Variants in CHSY3 observed in about 807,000 individuals in gnomAD.
CHSY3 encodes the protein chondroitin sulfate synthase 3, also known as N-acetylgalactosaminyl-proteoglycan 3-beta-glucuronosyltransferase 3.
CHSY3 carries 35 observed loss-of-function variants against 67.2 expected under a neutral mutation model. The ratio of observed to expected loss-of-function variants is 0.52; its 90% CI spans 0.40 to 0.69. The LOEUF (loss-of-function observed/expected upper bound fraction) is 0.69, where lower values mean the gene tolerates loss of function less well. CHSY3 is among the 30% of genes least tolerant of loss of function. The pLI is 0.00. For missense variants in CHSY3, 1,069 were observed against 1,138.5 expected (o/e 0.94, Z 0.88); for synonymous variants, 474 against 434.7 (o/e 1.09, Z -1.12).
intron 2 of CHSY3, among the ~76,000 whole-genome samples, chr5:129,933,788 A>T (rs1020395688): frequency 6.6e-6 from 1 of 152,114 alleles, no homozygotes; most frequent in African/African-American, 2.4e-5. Flanking sequence ...TAATTTTTTC[A>T]TATAATTCTA....
intron 2 of CHSY3, among the ~76,000 whole-genome samples, chr5:130,084,606 T>A (rs62391443): frequency 0.035 from 4,397 of 125,956 alleles, 80 homozygotes; most frequent in Non-Finnish European, 0.05. Flanking sequence ...TTAATTAATT[T>A]ATTTATTTAA....
chr5:129,954,730 T>C (rs1233937388), intron 2 of CHSY3, among the ~76,000 whole-genome samples: 1 of 152,136 alleles, frequency 6.6e-6, no homozygotes, highest in African/African-American at 2.4e-5. Flanking sequence ...AGGTAATTTA[T>C]TCTCTTGGTA....
intron 2 of CHSY3, among the ~76,000 whole-genome samples, chr5:130,131,045 C>G (rs1168462973): frequency 6.6e-6 from 1 of 152,128 alleles, no homozygotes; most frequent in African/African-American, 2.4e-5. Flanking sequence ...ATCATTTACT[C>G]TCACCACTTG....
chr5:129,958,822 G>A (rs957358709), intron 2 of CHSY3, among the ~76,000 whole-genome samples: 11 of 152,136 alleles, frequency 7.2e-5, no homozygotes, highest in African/African-American at 2.7e-4. Context: ...ATTAGCCAGT[G>A]TGCCTGGCAG....
intron 2 of CHSY3, among the ~76,000 whole-genome samples, chr5:130,143,815 T>TTG (rs1768984576): frequency 1.1e-5 from 1 of 92,926 alleles, no homozygotes; most frequent in South Asian, 3.4e-4. Context: ...TGTGTGTATA[T>TTG]ATATATATAT....
At chr5:130,147,900 A>G (rs1385625092) in intron 2 of CHSY3, among the ~76,000 whole-genome samples, 1 of 152,170 alleles carries the variant, frequency 6.6e-6, no homozygotes, top group African/African-American at 2.4e-5. Flanking sequence ...CAGGTTTGTT[A>G]CACAGGTAAA....
chr5:130,038,599 G>T (rs1764923311), intron 2 of CHSY3, among the ~76,000 whole-genome samples: 1 of 152,010 alleles, frequency 6.6e-6, no homozygotes, highest in Non-Finnish European at 1.5e-5. Context: ...GATGCTATGA[G>T]GTAGGAAATT....
At chr5:130,177,018 T>C (rs1266804833) in intron 2 of CHSY3, among the ~76,000 whole-genome samples, 1 of 152,124 alleles carries the variant, frequency 6.6e-6, no homozygotes, top group Non-Finnish European at 1.5e-5. Flanking sequence ...TTATTTTGAT[T>C]ACCACATCTC....
At chr5:129,926,828 A>G (rs189866749) in intron 2 of CHSY3, among the ~76,000 whole-genome samples, 5 of 151,882 alleles carry the variant, frequency 3.3e-5, no homozygotes, top group Middle Eastern at 6.8e-3. Context: ...GTTGGTATAC[A>G]TATTTGTTAC....
chr5:129,956,857 G>A (rs764571420), intron 2 of CHSY3, among the ~76,000 whole-genome samples: 9 of 151,918 alleles, frequency 5.9e-5, no homozygotes, highest in South Asian at 4.2e-4. Context: ...TGCTGTTTTC[G>A]TTACTGTAGC....
At chr5:130,125,998 C>T (rs1022860218) in intron 2 of CHSY3, among the ~76,000 whole-genome samples, 1 of 151,282 alleles carries the variant, frequency 6.6e-6, no homozygotes, top group Non-Finnish European at 1.5e-5. Flanking sequence ...CTTGACATAC[C>T]TGGTATTGGT....
chr5:129,928,133 A>G (rs1342279826), intron 2 of CHSY3, among the ~76,000 whole-genome samples: 1 of 151,744 alleles, frequency 6.6e-6, no homozygotes, highest in Non-Finnish European at 1.5e-5. Flanking sequence ...TATACAGATT[A>G]TTTCATCACC....
chr5:129,914,244 G>A (rs765504079), intron 2 of CHSY3, among the ~76,000 whole-genome samples: 8 of 152,032 alleles, frequency 5.3e-5, no homozygotes, highest in Non-Finnish European at 1.0e-4. Flanking sequence ...CCGAGTAGCT[G>A]GGATTACAGA....
chr5:129,947,337 A>T (rs1045419794), intron 2 of CHSY3, among the ~76,000 whole-genome samples: 5 of 152,012 alleles, frequency 3.3e-5, no homozygotes, highest in East Asian at 3.9e-4. Flanking sequence ...TCAAGACGAG[A>T]TTTGAGCTTG....
At position 129,921,898 on chromosome 5, in the gene CHSY3, A is replaced by G. The variant is rs78014218; in HGVS notation, c.1086+13538A>G. Among the ~76,000 whole-genome samples the G allele has an allele frequency of 6.9e-3, 1,054 of 152,160 alleles. 7 individuals are homozygous for G. Among genetic ancestry groups the G allele is most frequent in the African/African-American group, 0.024 (998 of 41,488 alleles). On this transcript the variant is annotated intron_variant, in intron 2 of 2. Coordinates refer to ENST00000305031, the MANE Select transcript of CHSY3 (RefSeq NM_175856.5). ...TTAAAATATACGATGAACTATTTTCATCTATAGTCACCCTATTGTGCTACC... is the reference window on the plus strand; with the variant it reads ...TTAAAATATACGATGAACTATTTTCGTCTATAGTCACCCTATTGTGCTACC...
chr5:129,959,473 A>G (rs901853962), intron 2 of CHSY3, among the ~76,000 whole-genome samples: 1 of 152,032 alleles, frequency 6.6e-6, no homozygotes, highest in African/African-American at 2.4e-5. Context: ...TCTCTTCTCT[A>G]TTTTCTTCAC....
chr5:130,177,424 A>G (rs1770089082), intron 2 of CHSY3, among the ~76,000 whole-genome samples: 1 of 152,054 alleles, frequency 6.6e-6, no homozygotes, highest in Non-Finnish European at 1.5e-5. Flanking sequence ...CTTGGGAATA[A>G]CAAATCTATT....
chr5:130,176,021 AG>A (rs1770037892), intron 2 of CHSY3, among the ~76,000 whole-genome samples: 1 of 152,194 alleles, frequency 6.6e-6, no homozygotes, highest in African/African-American at 2.4e-5. Context: ...TAAACTAAAG[AG>A]CTTCTGCACA....
chr5:130,176,802 G>T (rs980166667), intron 2 of CHSY3, among the ~76,000 whole-genome samples: 3 of 152,042 alleles, frequency 2.0e-5, no homozygotes, highest in African/African-American at 7.2e-5. Context: ...GAGAACACAT[G>T]GACACAGGGA....
Sources: allele counts gnomAD v4.1 joint callset (sites outside exome capture counted in the v4.1 genomes callset), GRCh38; gene constraint gnomAD v4.1.1; transcripts MANE v1.5; gene names NCBI Gene and HGNC (gene_info 2026-07-23, HGNC 2026-07-21).